RUBCN: variants seen among roughly 807,000 people sequenced by gnomAD.
RUBCN encodes run domain Beclin-1-interacting and cysteine-rich domain-containing protein.
A neutral mutation model predicts 113.2 loss-of-function variants in RUBCN; 74 were observed. That is an observed-to-expected ratio of 0.65 (90% CI 0.54 to 0.79). RUBCN has a LOEUF of 0.79. Among genes scored for constraint, RUBCN ranks in the 30% least tolerant of loss-of-function variants. RUBCN has a pLI of 0.00. For synonymous variants in RUBCN, 480 were observed against 490.0 expected (o/e 0.98, Z 0.27); for missense variants, 1,109 against 1,251.7 (o/e 0.89, Z 1.72).
intron 2 of RUBCN, among the ~76,000 whole-genome samples, chr3:197,713,661 G>A (rs539798076): frequency 6.2e-4 from 94 of 152,272 alleles, no homozygotes; most frequent in Admixed American, 1.5e-3. Flanking sequence ...AGGTGAACCT[G>A]CTGAACCCTG....
rs1172218038 is a variant in RUBCN, at chr3:197,671,704, G to T, written c.*3314C>A. On this transcript the variant is annotated 3_prime_UTR_variant, in exon 20 of 20. Transcript: ENST00000296343. Reference sequence around the variant, plus strand: ...GGAGCAGAAGAGAAAGATGCTAGCTGCTCACAGAAGTGGGAACTGAAGCAT... The same window carrying T: ...GGAGCAGAAGAGAAAGATGCTAGCTTCTCACAGAAGTGGGAACTGAAGCAT... 6.6e-6 allele frequency: 1 copy of T among 152,224 alleles called. No individual in the cohort carries two copies. The highest frequency in any genetic ancestry group is 1.9e-4 in the East Asian group (1 of 5,204). The allele number at this position is 152,224 out of a possible 1,614,324, so 9.4% of individuals were successfully genotyped here. A position where few individuals can be genotyped will look rare whatever the true frequency, so the allele number is the denominator to read the frequency against.
At chr3:197,699,243 C>T (rs1723365445) in intron 7 of RUBCN, 2 of 1,534,346 alleles carry the variant, frequency 1.3e-6, no homozygotes, top group Non-Finnish European at 1.8e-6. Flanking sequence ...TGCCGGTAGA[C>T]AGACAGGTGC....
At chr3:197,709,012 C>A (rs758872045) in intron 2 of RUBCN, among the ~76,000 whole-genome samples, 2 of 152,050 alleles carry the variant, frequency 1.3e-5, no homozygotes, top group Non-Finnish European at 2.9e-5. Flanking sequence ...GAAATTCTAT[C>A]GCATAGTTTA....
chr3:197,688,292 T>A (rs1328452956), intron 11 of RUBCN, among the ~76,000 whole-genome samples: 2 of 151,658 alleles, frequency 1.3e-5, no homozygotes, highest in African/African-American at 4.9e-5. Context: ...CTCCCAAAGT[T>A]CTGGGATGAC....
chr3:197,698,311 C>T (rs1723235400), intron 7 of RUBCN, among the ~76,000 whole-genome samples: 1 of 152,228 alleles, frequency 6.6e-6, no homozygotes, highest in Non-Finnish European at 1.5e-5. Context: ...TACCCAATGG[C>T]CTCACCCACT....
chr3:197,703,478 T>C (rs1358273801), intron 5 of RUBCN, 70 bp downstream of exon 5: 1 of 922,300 alleles, frequency 1.1e-6, no homozygotes, highest in Admixed American at 1.9e-5. Flanking sequence ...AAAAGTTTGC[T>C]GTAGAGGGCT....
Position 197,693,719 on chromosome 3 carries a change from G to A in RUBCN, c.1782C>T (p.Ile594=), listed in dbSNP as rs780792070. The change falls in exon 11 of 20, where the codon ATC becomes ATT. Residue 594 remains isoleucine (I), a synonymous_variant. Transcript: ENST00000296343. ...TAACAAAGTGTCACTTCTTACCTTG[G>A]ATTTCAAATTCATCAACCTCATCAG... is the stretch of plus-strand genomic sequence containing the variant. ...GSADEVDEFE[I]QDADIRRNTA... 6.2e-7 allele frequency: 1 copy of A among 1,606,530 alleles called. No individual in the cohort carries two copies. The highest frequency in any genetic ancestry group is 8.5e-7 in the Non-Finnish European group (1 of 1,173,026).
intron 2 of RUBCN, among the ~76,000 whole-genome samples, chr3:197,705,930 G>A (rs1724252166): frequency 6.6e-6 from 1 of 152,100 alleles, no homozygotes; most frequent in Admixed American, 6.6e-5. Flanking sequence ...GTTTTACCAT[G>A]TTGGCCAGGC....
Position 197,675,026 on chromosome 3 carries a change from C to T in RUBCN, c.2911G>A (p.Ala971Thr). 6.2e-7 allele frequency: 1 copy of T among 1,612,238 alleles called. No homozygotes were observed. The highest frequency in any genetic ancestry group is 1.7e-5 in the Admixed American group (1 of 60,030). ...ALALEAAVLE[A>T]T is the part of the protein sequence containing the mutation. ...GGCTGCACGTGCTTTCTTCAGGTGG[C>T]CTCCAGGACGGCGGCTTCCAGGGCC... Residue 971 changes from alanine to threonine, a missense_variant, in exon 20 of 20, where the codon GCC (alanine) becomes ACC (threonine). Ala to Thr is a moderately conservative substitution (Grantham distance 58). This residue lies in a region of RUBCN where 306 missense variants were observed against 348.9 expected (regional missense o/e 0.88). Coordinates refer to ENST00000296343, the MANE Select transcript of RUBCN (RefSeq NM_014687.4). The surrounding 1 kb of genome is among the most constrained non-coding windows in gnomAD (Gnocchi z 4.4).
chr3:197,698,041 T>A (rs1171846470), intron 7 of RUBCN, among the ~76,000 whole-genome samples: 1 of 152,198 alleles, frequency 6.6e-6, no homozygotes, highest in Non-Finnish European at 1.5e-5. Flanking sequence ...TGATATGACT[T>A]GGAAGGGACC....
intron 1 of RUBCN, among the ~76,000 whole-genome samples, chr3:197,722,620 A>C (rs772772336): frequency 4.6e-5 from 7 of 150,750 alleles, no homozygotes; most frequent in Non-Finnish European, 1.0e-4. Flanking sequence ...GCATATATAC[A>C]GGCATCCAAC....
chr3:197,728,994 T>C (rs969388686), intron 1 of RUBCN, among the ~76,000 whole-genome samples: 1 of 151,890 alleles, frequency 6.6e-6, no homozygotes, highest in South Asian at 2.1e-4. Flanking sequence ...CCGGGCGCGG[T>C]GGCTCACGCC....
intron 1 of RUBCN, among the ~76,000 whole-genome samples, chr3:197,747,137 G>T (rs1219542663): frequency 6.6e-6 from 1 of 151,956 alleles, no homozygotes; most frequent in African/African-American, 2.4e-5. Flanking sequence ...GTGTGTCTCG[G>T]GTTGCTATTT....
At chr3:197,723,565 A>T (rs1726404755) in intron 1 of RUBCN, among the ~76,000 whole-genome samples, 1 of 152,136 alleles carries the variant, frequency 6.6e-6, no homozygotes. Context: ...CAAAACCTAT[A>T]CTTTAACTCC....
chr3:197,700,716 C>T lies in RUBCN; in HGVS notation c.1158G>A (p.Arg386=). 1 of 1,614,228 alleles carries T rather than the reference C, an allele frequency of 6.2e-7. No individual in the cohort carries two copies. The highest frequency in any genetic ancestry group is 1.3e-5 in the African/African-American group (1 of 75,064). The part of the protein sequence containing the change: ...GESQLSSVLR[R]SSFSEGQTLT... The stretch of plus-strand genomic sequence containing the variant: ...GTGTCTGCCCCTCTGAGAAGCTGGA[C>T]CTGCGGAGGACACTGGACAGCTGGC... Residue 386 remains arginine, a synonymous_variant, in exon 7 of 20, where the codon AGG becomes AGA. Transcript: ENST00000296343.
At chr3:197,730,030 C>T (rs1335089682) in intron 1 of RUBCN, among the ~76,000 whole-genome samples, 1 of 152,192 alleles carries the variant, frequency 6.6e-6, no homozygotes, top group Non-Finnish European at 1.5e-5. Flanking sequence ...AAACTAGTAG[C>T]AGGGTGAGGC....
At chr3:197,712,436 G>C (rs1001225482) in intron 2 of RUBCN, among the ~76,000 whole-genome samples, 1 of 152,140 alleles carries the variant, frequency 6.6e-6, no homozygotes. Context: ...CCCTCCTCCT[G>C]ACGAGGGCAC....
chr3:197,685,480 A>G (rs1721736959), intron 11 of RUBCN, among the ~76,000 whole-genome samples: 1 of 152,198 alleles, frequency 6.6e-6, no homozygotes, highest in Non-Finnish European at 1.5e-5. Flanking sequence ...ACTAGATTAT[A>G]AAATCACCCT....
At chr3:197,718,242 C>G (rs1316288668) in intron 1 of RUBCN, 112 bp from the exon 2 acceptor site, 8 of 1,156,002 alleles carry the variant, frequency 6.9e-6, no homozygotes, top group South Asian at 1.3e-5. Context: ...CTAACATTCT[C>G]TCCCCTCTTA....
Sources: allele counts gnomAD v4.1 joint callset (sites outside exome capture counted in the v4.1 genomes callset), GRCh38; gene constraint gnomAD v4.1.1; regional missense constraint gnomAD v4.1.1; non-coding constraint Gnocchi (gnomAD v3.1); transcripts MANE v1.5; gene names NCBI Gene and HGNC (gene_info 2026-07-23, HGNC 2026-07-21).